HIPK2: variants seen among roughly 807,000 people sequenced by gnomAD.
HIPK2 encodes the protein homeodomain interacting protein kinase 2, also known as homeodomain-interacting protein kinase 2.
In HIPK2, 27 loss-of-function variants were observed where a neutral mutation model predicts 113.7. That is an observed-to-expected ratio of 0.24 (90% confidence interval 0.17 to 0.33). The LOEUF is 0.33. HIPK2 is among the 10% of genes least tolerant of loss of function. The pLI, the probability that HIPK2 is intolerant of heterozygous loss-of-function variation, is 1.00. For synonymous variants in HIPK2, 631 were observed against 642.2 expected (o/e 0.98, Z 0.26); for missense variants, 1,257 against 1,588.0 (o/e 0.79, Z 3.54).
At position 139,619,965 on chromosome 7, in the gene HIPK2, T is replaced by C. The variant is rs185423455; in HGVS notation, c.1782+436A>G. Among the ~76,000 whole-genome samples the C allele has an allele frequency of 2.6e-3, 399 of 152,262 alleles. 2 individuals are homozygous for C. The highest frequency in any genetic ancestry group is 9.2e-3 in the African/African-American group (384 of 41,540). On this transcript the variant is annotated intron_variant, in intron 7 of 14. Transcript: ENST00000406875. ...TCTGTAGAGATGGCGTCTCACTGTG[T>C]TGCCCAGGCTACTCTTGAACTTCCT...
intron 2 of HIPK2, among the ~76,000 whole-genome samples, chr7:139,669,435 A>G (rs1802181580): frequency 6.6e-6 from 1 of 152,236 alleles, no homozygotes; most frequent in Non-Finnish European, 1.5e-5. Context: ...AGAGAGAAAG[A>G]TCTTAAAAAG....
chr7:139,771,517 G>C (rs1336671091), intron 1 of HIPK2, among the ~76,000 whole-genome samples: 1 of 152,152 alleles, frequency 6.6e-6, no homozygotes, highest in Non-Finnish European at 1.5e-5. Flanking sequence ...TTATAACTTA[G>C]ATGCATTAAA....
At chr7:139,678,410 C>T (rs1280818836) in intron 2 of HIPK2, among the ~76,000 whole-genome samples, 2 of 152,162 alleles carry the variant, frequency 1.3e-5, no homozygotes, top group Non-Finnish European at 2.9e-5. Context: ...GCCAGTTTTC[C>T]CAACATCATT....
In HIPK2 at chr7:139,713,804, G is replaced by A. The variant is rs1795138697; in HGVS notation, c.1103+2128C>T. Reference sequence around the variant, plus strand: ...CGAAGTGGCACAGCAGCCTCCCAGAGCCAGCACAGCACCAGCTAGCCCCCA... The same window carrying A: ...CGAAGTGGCACAGCAGCCTCCCAGAACCAGCACAGCACCAGCTAGCCCCCA... On this transcript the variant is annotated intron_variant, in intron 2 of 14. Transcript: ENST00000406875. Among the ~76,000 whole-genome samples the A allele has an allele frequency of 1.3e-5, 2 of 152,206 alleles. 1 individual carries two copies. The highest frequency in any genetic ancestry group is 2.9e-5 in the Non-Finnish European group (2 of 68,048).
intron 2 of HIPK2, among the ~76,000 whole-genome samples, chr7:139,694,940 T>C (rs1326995801): frequency 6.6e-6 from 1 of 152,208 alleles, no homozygotes; most frequent in Non-Finnish European, 1.5e-5. Context: ...ACCTGTGATA[T>C]TTATCTGCCT....
At chr7:139,684,146 G>A (rs995210577) in intron 2 of HIPK2, among the ~76,000 whole-genome samples, 2 of 152,080 alleles carry the variant, frequency 1.3e-5, no homozygotes, top group Non-Finnish European at 2.9e-5. Flanking sequence ...GATCTTTGAT[G>A]TTACTATTGT....
chr7:139,724,829 A>G (rs1385664665), intron 1 of HIPK2, among the ~76,000 whole-genome samples: 1 of 151,872 alleles, frequency 6.6e-6, no homozygotes, highest in Non-Finnish European at 1.5e-5. Flanking sequence ...ATGATTTCCA[A>G]TTTCATCTTG....
In HIPK2 at chr7:139,683,129, C is replaced by T. The variant is rs937776111; in HGVS notation, c.1103+32803G>A. 4.6e-5 allele frequency among the ~76,000 whole-genome samples: 7 copies of T among 152,180 alleles called. No individual in the cohort carries two copies. Among genetic ancestry groups the T allele is most frequent in the Non-Finnish European group, 7.3e-5 (5 of 68,030 alleles). ...GATGAACAAAACCTTGCTGTTTGTA[C>T]AATATTTAGCATTACCTGGAAGGGC... On this transcript the variant is annotated intron_variant, in intron 2 of 14. Transcript: ENST00000406875. This position sits in a 1 kb window ranked among gnomAD's most constrained non-coding sequence, Gnocchi z 4.2.
intron 1 of HIPK2, among the ~76,000 whole-genome samples, chr7:139,736,342 G>A (rs1003584096): frequency 6.6e-6 from 1 of 152,226 alleles, no homozygotes; most frequent in African/African-American, 2.4e-5. Flanking sequence ...ACTTCAAGTG[G>A]CAGAGGAAGG....
chr7:139,710,572 T>G (rs886352716), intron 2 of HIPK2, among the ~76,000 whole-genome samples: 5 of 152,244 alleles, frequency 3.3e-5, no homozygotes, highest in East Asian at 1.9e-4. Flanking sequence ...TCAAAGAGAC[T>G]GTGAACTCTG....
chr7:139,719,111 C>T (rs777696302), intron 1 of HIPK2, among the ~76,000 whole-genome samples: 17 of 152,202 alleles, frequency 1.1e-4, no homozygotes, highest in Non-Finnish European at 2.4e-4. Context: ...ACACTGTGTG[C>T]TCGGGTGGTT....
chr7:139,685,916 C>T (rs1794202292), intron 2 of HIPK2, among the ~76,000 whole-genome samples: 1 of 152,146 alleles, frequency 6.6e-6, no homozygotes, highest in South Asian at 2.1e-4. Flanking sequence ...ATTCTGTAGC[C>T]CATAGATCAA....
intron 1 of HIPK2, among the ~76,000 whole-genome samples, chr7:139,728,611 A>G (rs1486384454): frequency 2.0e-5 from 3 of 152,224 alleles, no homozygotes; most frequent in African/African-American, 4.8e-5. Context: ...TTCCTTCTAT[A>G]AAGTCCCTAC....
intron 1 of HIPK2, among the ~76,000 whole-genome samples, chr7:139,737,446 G>A (rs1398499804): frequency 6.6e-6 from 1 of 152,156 alleles, no homozygotes; most frequent in African/African-American, 2.4e-5. Context: ...TAAGTCACCA[G>A]AAATCCCCTG....
At chr7:139,596,381 T>A (rs1400665802) in intron 12 of HIPK2, among the ~76,000 whole-genome samples, 1 of 152,142 alleles carries the variant, frequency 6.6e-6, no homozygotes, top group African/African-American at 2.4e-5. Context: ...GGGAATAAAT[T>A]CACTAGCTTG....
intron 2 of HIPK2, among the ~76,000 whole-genome samples, chr7:139,671,162 G>C (rs1384452883): frequency 6.6e-6 from 1 of 152,108 alleles, no homozygotes; most frequent in East Asian, 1.9e-4. Flanking sequence ...TGAACCAAAA[G>C]AGTGATCTGC....
chr7:139,653,709 A>G lies in HIPK2; in HGVS notation c.1104-21984T>C, dbSNP rs141960200. ...TTTCCAAAGGTGGGGGGAACAAAAC[A>G]TGCTCCTCTGGCCTCCTCGAGACTG... On this transcript the variant is annotated intron_variant, in intron 2 of 14. Transcript: ENST00000406875. 1.4e-3 allele frequency among the ~76,000 whole-genome samples: 212 copies of G among 151,740 alleles called. 1 individual carries two copies. Among genetic ancestry groups the G allele is most frequent in the African/African-American group, 5.0e-3 (208 of 41,400 alleles).
chr7:139,582,072 T>C (rs938106086), intron 13 of HIPK2, among the ~76,000 whole-genome samples: 2 of 152,216 alleles, frequency 1.3e-5, no homozygotes, highest in East Asian at 3.8e-4. Context: ...CAGGGCCCTT[T>C]GGTTACTGCT....
At chr7:139,739,530 T>C (rs1384145512) in intron 1 of HIPK2, among the ~76,000 whole-genome samples, 1 of 150,630 alleles carries the variant, frequency 6.6e-6, no homozygotes, top group East Asian at 1.9e-4. Context: ...GAGGTTGCGG[T>C]GAGCCAAGAT....
Sources: allele counts gnomAD v4.1 joint callset (sites outside exome capture counted in the v4.1 genomes callset), GRCh38; gene constraint gnomAD v4.1.1; non-coding constraint Gnocchi (gnomAD v3.1); transcripts MANE v1.5; gene names NCBI Gene and HGNC (gene_info 2026-07-23, HGNC 2026-07-21).